Variants in DNAH7 observed in about 807,000 individuals in gnomAD.
DNAH7 encodes the protein dynein axonemal heavy chain 7, also known as axonemal beta dynein heavy chain 7.
A neutral mutation model predicts 444.6 loss-of-function variants in DNAH7; 397 were observed. That is an observed-to-expected ratio of 0.89 (90% CI 0.82 to 0.97). The LOEUF (loss-of-function observed/expected upper bound fraction) is 0.97. DNAH7 is among the 50% of genes least tolerant of loss of function. The probability of loss-of-function intolerance (pLI) is 0.00; values close to 1 mark genes in which losing one functional copy is unlikely to be tolerated. For missense variants in DNAH7, 4,902 were observed against 4,800.8 expected (o/e 1.02, Z -0.62); for synonymous variants, 1,636 against 1,624.4 (o/e 1.01, Z -0.17).
chr2:195,877,727 G>A (rs1029354793), intron 36 of DNAH7, among the ~76,000 whole-genome samples: 14 of 152,204 alleles, frequency 9.2e-5, no homozygotes, highest in African/African-American at 3.1e-4. Context: ...TAAGGAAGAC[G>A]TAGGGTAACA....
Position 196,047,469 on chromosome 2 carries a change from C to A in DNAH7, c.281G>T (p.Gly94Val). The change falls in exon 5 of 65, where the codon GGC (glycine) becomes GTC (valine). Residue 94 changes from glycine to valine, a missense_variant. Physicochemically the swap from Gly to Val is moderately radical, Grantham distance 109 (BLOSUM62 -3). Transcript: ENST00000312428. Reference sequence around the variant, plus strand: ...ATCATCAACTTGGTGGGGTAATTTGCCCTTTTTTCCAAAACGTTCCATGTA... The same window carrying A: ...ATCATCAACTTGGTGGGGTAATTTGACCTTTTTTCCAAAACGTTCCATGTA... The part of the protein sequence containing the change: ...AEYMERFGKK[G>V]KLPHQVDDSY... The A allele has an allele frequency of 6.3e-7, 1 of 1,596,112 alleles. No homozygotes were observed. The highest frequency in any genetic ancestry group is 1.1e-5 in the South Asian group (1 of 87,494).
chr2:196,014,008 C>T (rs2125728546), intron 9 of DNAH7, among the ~76,000 whole-genome samples: 1 of 152,304 alleles, frequency 6.6e-6, no homozygotes, highest in South Asian at 2.1e-4. Context: ...CGATTTGAAA[C>T]AGAATTCGAG....
chr2:195,739,019 A>C (rs929570406), intron 64 of DNAH7, among the ~76,000 whole-genome samples: 2 of 152,066 alleles, frequency 1.3e-5, no homozygotes, highest in Admixed American at 1.3e-4. Flanking sequence ...AACTCGAAGC[A>C]CTCTTCCTAA....
chr2:195,957,300 C>T lies in DNAH7; in HGVS notation c.3039G>A (p.Val1013=), dbSNP rs761478954. 71 of 1,599,196 alleles carry T rather than the reference C, an allele frequency of 4.4e-5. No individual in the cohort carries two copies. Among genetic ancestry groups the T allele is most frequent in the Non-Finnish European group, 5.9e-5 (69 of 1,169,976 alleles). Residue 1013 remains valine, a synonymous_variant, in exon 19 of 65, where the codon GTG becomes GTA. Transcript: ENST00000312428. ...MPEEGRRFTA[V]DKTWRDIMRS... is the part of the protein sequence containing the mutation. ...TCATTATATCTCTCCATGTCTTATC[C>T]ACAGCTGTAAATCGTCTGCCTTCCT...
intron 49 of DNAH7, among the ~76,000 whole-genome samples, chr2:195,821,095 T>C (rs746918058): frequency 4.0e-5 from 6 of 151,032 alleles, no homozygotes; most frequent in Non-Finnish European, 8.8e-5. Flanking sequence ...ACTGCACAAC[T>C]ATAGAAGGAG....
rs1473424123 is a variant in DNAH7, at chr2:195,787,053, C to T, written c.10835G>A (p.Arg3612Lys). The change falls in exon 58 of 65, where the codon AGA becomes AAA. Residue 3612 changes from arginine to lysine, a missense_variant. Arg to Lys is a conservative substitution (Grantham distance 26). Transcript: ENST00000312428. ...CATGTGGAGCTGCTGTACGCTGATT[C>T]TCAGATCTGTCTCATTGAACTCATA... ...IPYEFNETDL[R>K]ISVQQLHMFL... 1.2e-5 allele frequency: 20 copies of T among 1,609,174 alleles called. No individual in the cohort carries two copies. The highest frequency in any genetic ancestry group is 1.7e-5 in the Non-Finnish European group (20 of 1,178,708).
intron 59 of DNAH7, among the ~76,000 whole-genome samples, chr2:195,777,523 T>C (rs1298038939): frequency 6.6e-6 from 1 of 152,210 alleles, no homozygotes; most frequent in Non-Finnish European, 1.5e-5. Context: ...GGGGACAATG[T>C]CTTTTTAGCC....
intron 61 of DNAH7, among the ~76,000 whole-genome samples, chr2:195,765,833 A>G (rs1490769292): frequency 6.6e-6 from 1 of 152,126 alleles, no homozygotes; most frequent in African/African-American, 2.4e-5. Flanking sequence ...TCCTTAAAAA[A>G]CTAAAACGAG....
chr2:195,916,327 TTTC>T (rs1559220297), intron 24 of DNAH7, among the ~76,000 whole-genome samples: 1 of 152,194 alleles, frequency 6.6e-6, no homozygotes, highest in African/African-American at 2.4e-5. Flanking sequence ...AAAGTCACTA[TTTC>T]TTTTCTTTTT....
rs183533533 is a variant in DNAH7 at position 195,836,786 on chromosome 2, G to A, written c.8946-2426C>T. Among the ~76,000 whole-genome samples, 253 of 152,288 alleles carry A rather than the reference G, an allele frequency of 1.7e-3. 1 individual carries two copies. The highest frequency in any genetic ancestry group is 2.9e-3 in the Non-Finnish European group (197 of 68,020). On this transcript the variant is annotated intron_variant, in intron 47 of 64. Coordinates refer to ENST00000312428, the MANE Select transcript of DNAH7 (RefSeq NM_018897.3). ...TAAGTTTGGAGGATTATGTGTGAAT[G>A]TTAAACAGCATTTATGCTTTCCTAA...
Position 195,891,548 on chromosome 2 carries a change from T to C in DNAH7, c.5046+107A>G, listed in dbSNP as rs1039711068. On this transcript the variant is annotated intron_variant, in intron 31 of 64. Coordinates refer to ENST00000312428, the MANE Select transcript of DNAH7 (RefSeq NM_018897.3). ...ATCCAGTACTGTGTTTTAAATAATA[T>C]CTTAATCTATAGATACAATTAGTTT... 22 of 1,034,716 alleles carry C rather than the reference T, an allele frequency of 2.1e-5. No individual in the cohort carries two copies. The African/African-American group carries it at 3.5e-4, about 16-fold the overall frequency. The allele number at this position is 1,034,716 out of a possible 1,614,324, so 64.1% of individuals were successfully genotyped here.
intron 49 of DNAH7, among the ~76,000 whole-genome samples, chr2:195,819,100 C>T (rs565043689): frequency 8.5e-5 from 13 of 152,248 alleles, no homozygotes; most frequent in African/African-American, 2.9e-4. Context: ...GTTTGCTCTA[C>T]GCCCTTCCCC....
At chr2:195,909,272 C>A (rs1687217974) in intron 25 of DNAH7, among the ~76,000 whole-genome samples, 1 of 152,058 alleles carries the variant, frequency 6.6e-6, no homozygotes, top group South Asian at 2.1e-4. Flanking sequence ...ATAAAATGTG[C>A]TTTGAAAAAT....
intron 19 of DNAH7, among the ~76,000 whole-genome samples, chr2:195,956,771 TTTTC>T (rs1369215020): frequency 1.3e-5 from 2 of 152,198 alleles, no homozygotes; most frequent in Non-Finnish European, 2.9e-5. Context: ...ATTTGTGTAT[TTTTC>T]TTTCTTTATT....
intron 34 of DNAH7, among the ~76,000 whole-genome samples, chr2:195,885,733 CAT>C (rs947617111): frequency 1.3e-5 from 2 of 152,198 alleles, no homozygotes; most frequent in East Asian, 1.9e-4. Flanking sequence ...CACACACACA[CAT>C]ACAAATAATT....
intron 58 of DNAH7, among the ~76,000 whole-genome samples, chr2:195,779,192 T>A (rs1695255001): frequency 6.6e-6 from 1 of 152,232 alleles, no homozygotes; most frequent in African/African-American, 2.4e-5. Flanking sequence ...TCTTTTACAA[T>A]TTCATAAAAC....
At chr2:195,909,324 T>C (rs1193100837) in intron 25 of DNAH7, among the ~76,000 whole-genome samples, 2 of 152,156 alleles carry the variant, frequency 1.3e-5, no homozygotes. Flanking sequence ...AAGTGGATCA[T>C]TTTGTGTTCA....
chr2:196,051,494 G>C (rs919849854), intron 2 of DNAH7, among the ~76,000 whole-genome samples: 1 of 152,128 alleles, frequency 6.6e-6, no homozygotes, highest in African/African-American at 2.4e-5. Flanking sequence ...TGCAAAACCG[G>C]CCAGGCGCGG....
At chr2:195,984,558 G>C in intron 15 of DNAH7, 74 bp downstream of exon 15, 1 of 1,400,428 alleles carries the variant, frequency 7.1e-7, no homozygotes, top group Non-Finnish European at 1.0e-6. Context: ...CTTTTCGAGT[G>C]ATTTGTTACT....
Sources: allele counts gnomAD v4.1 joint callset (sites outside exome capture counted in the v4.1 genomes callset), GRCh38; gene constraint gnomAD v4.1.1; transcripts MANE v1.5; gene names NCBI Gene and HGNC (gene_info 2026-07-23, HGNC 2026-07-21).